USF2: variants seen among roughly 807,000 people sequenced by gnomAD.
USF2 encodes upstream transcription factor 2, c-fos interacting.
USF2 carries 16 observed loss-of-function variants against 46.9 expected under a neutral mutation model. The ratio of observed to expected loss-of-function variants is 0.34; its 90% CI spans 0.23 to 0.52. The LOEUF is 0.52. Ranked by LOEUF, USF2 falls within the 20% of genes least tolerant of loss-of-function variation. The pLI is 0.96. For synonymous variants in USF2, 239 were observed against 194.1 expected (o/e 1.23, Z -1.92); for missense variants, 411 against 474.0 (o/e 0.87, Z 1.23).
At chr19:35,279,140 TC>T in intron 9 of USF2, 26 bp from the exon 10 acceptor site, 1 of 1,611,490 alleles carries the variant, frequency 6.2e-7, no homozygotes, top group African/African-American at 1.3e-5. Flanking sequence ...GGCCCTCAGC[TC>T]CCTTGACCTC....
chr19:35,269,979 A>C lies in USF2; in HGVS notation c.405A>C (p.Pro135=). 1 of 1,342,538 alleles carries C rather than the reference A, an allele frequency of 7.4e-7. No homozygotes were observed. The highest frequency in any genetic ancestry group is 9.5e-7 in the Non-Finnish European group (1 of 1,054,048). 83.2% of individuals were successfully genotyped at this position (1,342,538 alleles called of 1,614,324 possible). A position where few individuals can be genotyped will look rare whatever the true frequency, so the allele number is the denominator to read the frequency against. The change falls in exon 4 of 10, where the codon CCA becomes CCC. Residue 135 remains proline (P), a synonymous_variant. Transcript: ENST00000222305. ...RPGPAAASVP[P]GPAAPFPLAV... is the part of the protein sequence containing the mutation. ...GCCCCGCCGCTGCCTCTGTGCCCCC[A>C]GGTCCTGCAGCGCCCTTCCCGCTGG...
chr19:35,279,516 T>G lies in USF2; in HGVS notation c.*260T>G. 2.2e-6 allele frequency: 1 copy of G among 450,838 alleles called. No individual in the cohort carries two copies. The allele number at this position is 450,838 out of a possible 1,614,324, so 27.9% of individuals were successfully genotyped here. On this transcript the variant is annotated 3_prime_UTR_variant, in exon 10 of 10. Transcript: ENST00000222305. Reference sequence around the variant, plus strand: ...GGCCCTCACTAAGCCCCGGCACTTCTAGTGGTCTCACCTGGAGGCAAGAGG... The same window carrying G: ...GGCCCTCACTAAGCCCCGGCACTTCGAGTGGTCTCACCTGGAGGCAAGAGG...
intron 4 of USF2, 48 bp downstream of exon 4, chr19:35,270,051 G>A: frequency 4.4e-6 from 6 of 1,351,052 alleles, no homozygotes; most frequent in South Asian, 3.7e-5. Context: ...AGTGGAGAGG[G>A]GACACTGGCT....
At position 35,273,869 on chromosome 19, in the gene USF2, C is replaced by T. The variant is rs202134237; in HGVS notation, c.727+2728C>T. Among the ~76,000 whole-genome samples the T allele has an allele frequency of 1.6e-4, 24 of 152,370 alleles. No homozygotes were observed. In the East Asian group the frequency reaches 3.9e-3, roughly 24 times the overall value. On this transcript the variant is annotated intron_variant, in intron 7 of 9. Transcript: ENST00000222305. Reference sequence around the variant, plus strand: ...GTGTTTCATAAGGTCCGGCCCCTCCCGTCGGCCTCAGGTGTATGACTTGTG... The same window carrying T: ...GTGTTTCATAAGGTCCGGCCCCTCCTGTCGGCCTCAGGTGTATGACTTGTG...
intron 7 of USF2, 92 bp from the exon 8 acceptor site, chr19:35,278,606 G>A: frequency 7.5e-7 from 1 of 1,325,294 alleles, no homozygotes; most frequent in Non-Finnish European, 1.1e-6. Context: ...CACTGTTCCT[G>A]GGTGTCCTTG....
intron 8 of USF2, 57 bp downstream of exon 8, chr19:35,278,849 C>G: frequency 1.2e-6 from 2 of 1,610,372 alleles, no homozygotes; most frequent in Non-Finnish European, 1.7e-6. Flanking sequence ...CCCTTGCATG[C>G]AGAAAGTCCA....
chr19:35,269,334 C>T, intron 1 of USF2, 112 bp from the exon 2 acceptor site: 2 of 950,058 alleles, frequency 2.1e-6, no homozygotes, highest in Non-Finnish European at 2.5e-6. Context: ...GCCTCGGCGG[C>T]GCCCCCGGCC....
At chr19:35,269,298 C>CT (rs2066103759) in intron 1 of USF2, 135 bp downstream of exon 1, 4 of 881,630 alleles carry the variant, frequency 4.5e-6, no homozygotes, top group African/African-American at 1.9e-5. Context: ...CGGGGGGGAC[C>CT]TGGCGCCTCC....
At chr19:35,272,217 A>G (rs940861300) in intron 7 of USF2, among the ~76,000 whole-genome samples, 4 of 152,122 alleles carry the variant, frequency 2.6e-5, no homozygotes, top group Non-Finnish European at 4.4e-5. Context: ...TAGGACAGAC[A>G]AGGTCTCAGC....
rs771804118 is a variant in USF2, at chr19:35,269,915, T to C, written c.341T>C (p.Val114Ala). The C allele has an allele frequency of 7.3e-7, 1 of 1,371,436 alleles. No individual in the cohort carries two copies. Among genetic ancestry groups the C allele is most frequent in the South Asian group, 1.8e-5 (1 of 56,838 alleles). The allele number at this position is 1,371,436 out of a possible 1,614,324, so 85.0% of individuals were successfully genotyped here. A position where few individuals can be genotyped will look rare whatever the true frequency, so the allele number is the denominator to read the frequency against. The change falls in exon 4 of 10, where the codon GTG becomes GCG. Residue 114 changes from valine to alanine, a missense_variant. Val to Ala is a moderately conservative substitution (Grantham distance 64). Coordinates refer to ENST00000222305, the MANE Select transcript of USF2 (RefSeq NM_003367.4). Reference protein sequence around the residue: ...TAAFAGGQQAVTQVGVDGAAQ... With the variant: ...TAAFAGGQQAATQVGVDGAAQ... ...GCCTTCGCGGGGGGGCAGCAGGCTG[T>C]GACCCAGGTGGGTGTGGACGGGGCA...
Position 35,276,261 on chromosome 19 carries a change from G to A in USF2, c.728-2437G>A, listed in dbSNP as rs138970537. ...TAATTTTTGCATTTTTAGTAGAGCC[G>A]GGGTTTCGCCATGTTGGCCAGGCTG... On this transcript the variant is annotated intron_variant, in intron 7 of 9. Coordinates refer to ENST00000222305, the MANE Select transcript of USF2 (RefSeq NM_003367.4). Among the ~76,000 whole-genome samples the A allele has an allele frequency of 3.7e-3, 556 of 152,036 alleles. 15 individuals are homozygous for A. In the East Asian group the frequency reaches 0.052, roughly 14 times the overall value.
At chr19:35,270,145 C>A in intron 4 of USF2, 142 bp downstream of exon 4, 1 of 1,059,956 alleles carries the variant, frequency 9.4e-7, no homozygotes, top group Non-Finnish European at 1.3e-6. Flanking sequence ...GGGCCAGATC[C>A]CTGTTGTGCA....
intron 1 of USF2, 49 bp from the exon 2 acceptor site, chr19:35,269,397 G>C (rs1336375712): frequency 7.5e-7 from 1 of 1,332,066 alleles, no homozygotes. Context: ...GGGGGCGGGG[G>C]CGCGGGCGCG....
At chr19:35,270,399 G>A (rs374238676) in intron 4 of USF2, 48 bp from the exon 5 acceptor site, 2 of 1,586,382 alleles carry the variant, frequency 1.3e-6, no homozygotes, top group South Asian at 2.3e-5. Flanking sequence ...GGGACGGGAT[G>A]GAGGAACAGA....
Position 35,279,352 on chromosome 19 carries a change from C to G in USF2, c.*96C>G. 7.9e-7 allele frequency: 1 copy of G among 1,265,778 alleles called. No individual in the cohort carries two copies. The allele number at this position is 1,265,778 out of a possible 1,614,324, so 78.4% of individuals were successfully genotyped here. A position where few individuals can be genotyped will look rare whatever the true frequency, so the allele number is the denominator to read the frequency against. Reference sequence around the variant, plus strand: ...CAGAGAGGGACACATGCCCCTCCCCCAGCTGCGTTTTTTTATAGTAGATTT... The same window carrying G: ...CAGAGAGGGACACATGCCCCTCCCCGAGCTGCGTTTTTTTATAGTAGATTT... On this transcript the variant is annotated 3_prime_UTR_variant, in exon 10 of 10. Coordinates refer to ENST00000222305, the MANE Select transcript of USF2 (RefSeq NM_003367.4).
chr19:35,278,280 A>C (rs1276798884), intron 7 of USF2: 1 of 175,934 alleles, frequency 5.7e-6, no homozygotes, highest in Non-Finnish European at 1.2e-5. Context: ...GGTCCTGCGA[A>C]GAGTGGCTCT....
intron 7 of USF2, among the ~76,000 whole-genome samples, chr19:35,272,441 G>A (rs576239374): frequency 1.8e-4 from 28 of 152,186 alleles, no homozygotes; most frequent in East Asian, 3.9e-4. Context: ...GGAGAGTCCC[G>A]GGCAGAGGGA....
intron 6 of USF2, 104 bp downstream of exon 6, chr19:35,270,909 TG>T (rs2066144509): frequency 2.7e-6 from 4 of 1,491,074 alleles, no homozygotes; most frequent in East Asian, 2.3e-5. Flanking sequence ...CATGGTGTAA[TG>T]TTTTTTTTCT....
chr19:35,272,569 T>C (rs992090246), intron 7 of USF2, among the ~76,000 whole-genome samples: 7 of 152,132 alleles, frequency 4.6e-5, no homozygotes, highest in African/African-American at 1.7e-4. Context: ...CCAGGCCAGA[T>C]GGTGGAGGAC....
Sources: gnomAD v4.1 joint callset for allele counts (sites outside exome capture counted in the v4.1 genomes callset) on GRCh38, gnomAD v4.1.1 for gene constraint, MANE v1.5 for transcripts, NCBI Gene and HGNC (gene_info 2026-07-23, HGNC 2026-07-21) for gene names.